The following OTULIN variants were observed in gnomAD, a reference collection of about 807,000 sequenced individuals.
OTULIN encodes OTU deubiquitinase with linear linkage specificity.
A neutral mutation model predicts 39.6 loss-of-function variants in OTULIN; 15 were observed. The ratio of observed to expected loss-of-function variants is 0.38; its 90% confidence interval spans 0.25 to 0.58. The LOEUF (loss-of-function observed/expected upper bound fraction) is 0.58. Among genes scored for constraint, OTULIN ranks in the 20% least tolerant of loss-of-function variants. OTULIN has a pLI of 0.66. For missense variants in OTULIN, 319 were observed against 445.9 expected (o/e 0.72, Z 2.56); for synonymous variants, 156 against 170.3 (o/e 0.92, Z 0.65).
intron 3 of OTULIN, among the ~76,000 whole-genome samples, chr5:14,680,056 C>T (rs1736207870): frequency 6.6e-6 from 1 of 152,110 alleles, no homozygotes. Context: ...TTCGAATATT[C>T]TTTTGGAAGT....
chr5:14,692,565 T>C (rs1328715335), intron 6 of OTULIN, among the ~76,000 whole-genome samples: 1 of 152,252 alleles, frequency 6.6e-6, no homozygotes, highest in African/African-American at 2.4e-5. Context: ...GTTCAGATCC[T>C]TTGCCTAATT....
At chr5:14,687,438 T>C (rs1247138740) in intron 4 of OTULIN, 83 bp from the exon 5 acceptor site, 2 of 1,480,640 alleles carry the variant, frequency 1.4e-6, no homozygotes, top group East Asian at 2.4e-5. Flanking sequence ...TTATAGACTT[T>C]GTGGTTTCTT....
At chr5:14,700,626 C>T (rs1260671836), downstream of OTULIN, among the ~76,000 whole-genome samples, 1 of 143,948 alleles carries the variant, frequency 6.9e-6, no homozygotes. Context: ...CCCCCTTTGC[C>T]CACCCTCCCC....
At position 14,696,731 on chromosome 5, in the gene OTULIN, T is replaced by A. The variant is rs139936444; in HGVS notation, c.*3683T>A. On this transcript the variant is annotated 3_prime_UTR_variant, in exon 7 of 7. Coordinates refer to ENST00000284274, the MANE Select transcript of OTULIN (RefSeq NM_138348.6). ...CGTGTATACAGTTTACAAATTCCTA[T>A]TTCTAAAATTTAAGTCCCTTATTTA... The A allele has an allele frequency of 1.3e-5, 2 of 152,356 alleles. No individual in the cohort carries two copies. Among genetic ancestry groups the A allele is most frequent in the African/African-American group, 4.8e-5 (2 of 41,590 alleles). 9.4% of individuals were successfully genotyped at this position (152,356 alleles called of 1,614,324 possible).
At chr5:14,705,268 C>T in the OTULIN span, 4 of 151,870 alleles carry the variant, frequency 2.6e-5, no homozygotes, top group Non-Finnish European at 4.4e-5. Context: ...TGACTCTAAG[C>T]ACACTTAATT....
At chr5:14,677,553 A>G (rs1736135359) in intron 2 of OTULIN, among the ~76,000 whole-genome samples, 1 of 152,224 alleles carries the variant, frequency 6.6e-6, no homozygotes, top group Non-Finnish European at 1.5e-5. Context: ...GTGCGTGTAT[A>G]TGCACATACC....
chr5:14,700,878 T>C (rs1736784063), downstream of OTULIN, among the ~76,000 whole-genome samples: 1 of 152,098 alleles, frequency 6.6e-6, no homozygotes, highest in African/African-American at 2.4e-5. Flanking sequence ...CACTCTGGGG[T>C]AATAGACTTT....
At chr5:14,713,794 G>C in the OTULIN span, 1 of 1,343,322 alleles carries the variant, frequency 7.4e-7, no homozygotes, top group South Asian at 1.2e-5. This position sits in a 1 kb window ranked among gnomAD's most constrained non-coding sequence, Gnocchi z 4.4. Flanking sequence ...CTGTTGAGCC[G>C]CTGGCCACCT....
Position 14,690,068 on chromosome 5 carries a change from T to C in OTULIN, c.624T>C (p.Ala208=), listed in dbSNP as rs2126333651. The C allele has an allele frequency of 6.2e-7, 1 of 1,614,102 alleles. No homozygotes were observed. Among genetic ancestry groups the C allele is most frequent in the Admixed American group, 1.7e-5 (1 of 60,014 alleles). The change falls in exon 6 of 7, where the codon GCT becomes GCC. Residue 208 remains alanine, a synonymous_variant. Transcript: ENST00000284274. The surrounding 1 kb of genome is among the most constrained non-coding windows in gnomAD (Gnocchi z 4.5). The part of the protein sequence containing the change: ...KWAGLAEMRT[A]EARQIACDEL... ...CAGGCTTGGCTGAAATGAGAACTGC[T>C]GAAGCAAGACAGATAGCTTGTGATG...
intron 4 of OTULIN, among the ~76,000 whole-genome samples, chr5:14,686,598 A>G (rs1736393823): frequency 6.6e-6 from 1 of 152,166 alleles, no homozygotes; most frequent in African/African-American, 2.4e-5. Context: ...TTCTTTAATG[A>G]TCTGTTGACT....
rs1579980500 is a variant in OTULIN at position 14,694,538 on chromosome 5, T to A, written c.*1490T>A. 6.6e-6 allele frequency: 1 copy of A among 152,108 alleles called. No individual in the cohort carries two copies. The highest frequency in any genetic ancestry group is 2.1e-4 in the South Asian group (1 of 4,838). The allele number at this position is 152,108 out of a possible 1,614,324, so 9.4% of individuals were successfully genotyped here. On this transcript the variant is annotated 3_prime_UTR_variant, in exon 7 of 7. Coordinates refer to ENST00000284274, the MANE Select transcript of OTULIN (RefSeq NM_138348.6). ...GTCCAATTTAATATAGTTTAGAAGCTATTTTTTTTGAGGCAAACCGTTTTT... is the reference window on the plus strand; with the variant it reads ...GTCCAATTTAATATAGTTTAGAAGCAATTTTTTTTGAGGCAAACCGTTTTT...
rs1736717798 is a variant in OTULIN, at chr5:14,698,056, G to T, written c.*5008G>T. 6.6e-6 allele frequency: 1 copy of T among 152,136 alleles called. No homozygotes were observed. The highest frequency in any genetic ancestry group is 2.4e-5 in the African/African-American group (1 of 41,430). The allele number at this position is 152,136 out of a possible 1,614,324, so 9.4% of individuals were successfully genotyped here. Reference sequence around the variant, plus strand: ...TGGTTACTTCTGAGTATTTGATAAAGGAACAAAGTCAAAATGAATGTATTT... The same window carrying T: ...TGGTTACTTCTGAGTATTTGATAAATGAACAAAGTCAAAATGAATGTATTT... On this transcript the variant is annotated 3_prime_UTR_variant, in exon 7 of 7. Coordinates refer to ENST00000284274, the MANE Select transcript of OTULIN (RefSeq NM_138348.6).
chr5:14,689,761 A>G (rs1169503307), intron 5 of OTULIN, among the ~76,000 whole-genome samples: 3 of 152,120 alleles, frequency 2.0e-5, no homozygotes, highest in East Asian at 3.9e-4. Context: ...GGCTGGTTCA[A>G]TCTCATTGCC....
rs1158094700 is a variant in OTULIN, at chr5:14,692,865, C to T, written c.876C>T (p.Phe292=). The change falls in exon 7 of 7, where the codon TTC becomes TTT. Residue 292 remains phenylalanine (F), a synonymous_variant. Coordinates refer to ENST00000284274, the MANE Select transcript of OTULIN (RefSeq NM_138348.6). The part of the protein sequence containing the change: ...HTGGLEQVEM[F]LLAYAVRHTI... ...GCTCTTCTTCCCAGGTTGAAATGTT[C>T]CTTCTTGCCTATGCTGTGCGCCACA... The T allele has an allele frequency of 1.9e-6, 3 of 1,613,452 alleles. No individual in the cohort carries two copies. Among genetic ancestry groups the T allele is most frequent in the East Asian group, 2.2e-5 (1 of 44,876 alleles).
chr5:14,715,975 GGCTTTAGCAATAC>G, the OTULIN span, among the ~76,000 whole-genome samples: 1 of 152,124 alleles, frequency 6.6e-6, no homozygotes. Context: ...TATATCTCCA[GGCTTTAGCAATAC>G]GCTCACTCTA....
At chr5:14,668,752 G>A (rs1560990556) in intron 1 of OTULIN, among the ~76,000 whole-genome samples, 1 of 152,174 alleles carries the variant, frequency 6.6e-6, no homozygotes, top group Non-Finnish European at 1.5e-5. Flanking sequence ...TGTTAGCTTT[G>A]CATATACATT....
At chr5:14,683,746 A>G (rs1736316701) in intron 4 of OTULIN, among the ~76,000 whole-genome samples, 1 of 152,198 alleles carries the variant, frequency 6.6e-6, no homozygotes, top group Non-Finnish European at 1.5e-5. Flanking sequence ...AGCTATTTGG[A>G]TTTATGGACT....
chr5:14,711,425 CCTT>C, the OTULIN span: 3 of 860,228 alleles, frequency 3.5e-6, no homozygotes, highest in Non-Finnish European at 5.9e-6. Context: ...TAGGCTTAAA[CCTT>C]CTTATGGTTG....
At chr5:14,677,216 C>G (rs1736125369) in intron 2 of OTULIN, among the ~76,000 whole-genome samples, 1 of 152,140 alleles carries the variant, frequency 6.6e-6, no homozygotes, top group Admixed American at 6.5e-5. Flanking sequence ...CCATCACACC[C>G]TGGTTTATAA....
Sources: gnomAD v4.1 joint callset for allele counts (sites outside exome capture counted in the v4.1 genomes callset) on GRCh38, gnomAD v4.1.1 for gene constraint, Gnocchi (gnomAD v3.1) non-coding constraint, MANE v1.5 for transcripts, NCBI Gene and HGNC (gene_info 2026-07-23, HGNC 2026-07-21) for gene names.